The following COPS7B variants were observed in gnomAD, a reference collection of about 807,000 sequenced individuals.
COPS7B encodes the protein COP9 signalosome complex subunit 7b.
In COPS7B, 9 loss-of-function variants were observed where a neutral mutation model predicts 33.4. The ratio of observed to expected loss-of-function variants is 0.27; its 90% CI spans 0.16 to 0.47. The LOEUF is 0.47. Ranked by LOEUF, COPS7B falls within the 20% of genes least tolerant of loss-of-function variation. COPS7B has a pLI of 0.99. For synonymous variants in COPS7B, 119 were observed against 126.3 expected, an observed-to-expected ratio of 0.94 and a Z score of 0.39; for missense variants, 242 against 318.2, an observed-to-expected ratio of 0.76 and a Z score of 1.82.
chr2:231,794,992 T>G (rs1425120409), intron 4 of COPS7B, among the ~76,000 whole-genome samples: 1 of 151,694 alleles, frequency 6.6e-6, no homozygotes, highest in East Asian at 1.9e-4. Context: ...CAACCTGGGC[T>G]TACTGCAACC....
chr2:231,799,476 AT>A (rs1404491189), intron 6 of COPS7B, among the ~76,000 whole-genome samples: 1 of 152,220 alleles, frequency 6.6e-6, no homozygotes, highest in Non-Finnish European at 1.5e-5. Context: ...GACATGTTTC[AT>A]ACGGAAAGAA....
chr2:231,797,167 C>T lies in COPS7B; in HGVS notation c.530+859C>T, dbSNP rs181237950. Among the ~76,000 whole-genome samples, 17 of 152,270 alleles carry T rather than the reference C, an allele frequency of 1.1e-4. No homozygotes were observed. The East Asian group carries it at 2.7e-3, about 24-fold the overall frequency. On this transcript the variant is annotated intron_variant, in intron 5 of 6. Coordinates refer to ENST00000350033, the MANE Select transcript of COPS7B (RefSeq NM_022730.4). ...ACCCGGTGAGCTTTGTACACAGGTTCGGGAGGGAGAGAGAATCTCTGCTCA... is the reference window on the plus strand; with the variant it reads ...ACCCGGTGAGCTTTGTACACAGGTTTGGGAGGGAGAGAGAATCTCTGCTCA...
At chr2:231,786,017 CCA>C (rs1342686801), upstream of COPS7B, 1 of 152,076 alleles carries the variant, frequency 6.6e-6, no homozygotes, top group East Asian at 1.9e-4. Context: ...ATAATACAAG[CCA>C]CAGTTATGAG....
At chr2:231,804,453 T>TA (rs1296207790) in intron 6 of COPS7B, among the ~76,000 whole-genome samples, 3 of 152,118 alleles carry the variant, frequency 2.0e-5, no homozygotes, top group African/African-American at 7.2e-5. Context: ...TTCACCGCGT[T>TA]AGCCAGGATG....
chr2:231,806,967 G>A (rs766529685), intron 6 of COPS7B, among the ~76,000 whole-genome samples: 1 of 152,202 alleles, frequency 6.6e-6, no homozygotes, highest in Admixed American at 6.5e-5. Context: ...TTACGAGTCT[G>A]TATTTTGTTA....
rs2106355266 is a variant in COPS7B, at chr2:231,809,074, T to A, written c.*1429T>A. On this transcript the variant is annotated 3_prime_UTR_variant, in exon 7 of 7. Coordinates refer to ENST00000350033, the MANE Select transcript of COPS7B (RefSeq NM_022730.4). ...TAAAATGTCCAGCAACTGCCTACTGTTGATCAAATGTTGAAGTATTCTTGT... is the reference window on the plus strand; with the variant it reads ...TAAAATGTCCAGCAACTGCCTACTGATGATCAAATGTTGAAGTATTCTTGT... 1 of 152,516 alleles carries A rather than the reference T, an allele frequency of 6.6e-6. No individual in the cohort carries two copies. The highest frequency in any genetic ancestry group is 6.5e-5 in the Admixed American group (1 of 15,308). The allele number at this position is 152,516 out of a possible 1,614,324, so 9.4% of individuals were successfully genotyped here.
In COPS7B at chr2:231,795,696, G is replaced by A. The variant is rs150494887; in HGVS notation, c.328-410G>A. Among the ~76,000 whole-genome samples, 467 of 152,296 alleles carry A rather than the reference G, an allele frequency of 3.1e-3. 2 individuals carry two copies. The highest frequency in any genetic ancestry group is 0.01 in the African/African-American group (430 of 41,566). On this transcript the variant is annotated intron_variant, in intron 4 of 6. Transcript: ENST00000350033. ...TTTTTTTTGTTTGTTTTTGCACTCT[G>A]CTGGGCAAGTAGCCAGCTCTTTCCA... is the stretch of plus-strand genomic sequence containing the variant.
chr2:231,783,414 T>A (rs1410446342), upstream of COPS7B, among the ~76,000 whole-genome samples: 3 of 152,240 alleles, frequency 2.0e-5, no homozygotes, highest in Non-Finnish European at 4.4e-5. Context: ...TAGGTGCCTC[T>A]TATCCTTGTC....
intron 3 of COPS7B, 46 bp from the exon 4 acceptor site, chr2:231,794,217 A>G (rs1312537230): frequency 2.0e-6 from 3 of 1,519,386 alleles, no homozygotes; most frequent in Middle Eastern, 1.7e-4. Context: ...AAGAAATCCT[A>G]ATTTTATTTT....
At chr2:231,795,815 C>T (rs1298158353) in intron 4 of COPS7B, among the ~76,000 whole-genome samples, 1 of 152,182 alleles carries the variant, frequency 6.6e-6, no homozygotes, top group Non-Finnish European at 1.5e-5. Context: ...AGTTCCCTTT[C>T]TCTCCACTGG....
chr2:231,800,212 G>T (rs143808844), intron 6 of COPS7B, among the ~76,000 whole-genome samples: 2 of 152,176 alleles, frequency 1.3e-5, no homozygotes, highest in Non-Finnish European at 1.5e-5. Context: ...GAAGTATTGC[G>T]TGAGTCCAGG....
intron 6 of COPS7B, among the ~76,000 whole-genome samples, chr2:231,803,348 G>C (rs1473018674): frequency 6.6e-6 from 1 of 152,162 alleles, no homozygotes; most frequent in African/African-American, 2.4e-5. Flanking sequence ...AGTGTGGTGT[G>C]GGGGACGAGT....
intron 4 of COPS7B, among the ~76,000 whole-genome samples, 181 bp from the exon 5 acceptor site, chr2:231,795,925 T>G (rs1313170796): frequency 6.6e-6 from 1 of 152,198 alleles, no homozygotes; most frequent in African/African-American, 2.4e-5. Flanking sequence ...CTTTCTTAGA[T>G]GTTGGGTCTT....
chr2:231,801,037 C>G, intron 6 of COPS7B: 1 of 902,526 alleles, frequency 1.1e-6, no homozygotes, highest in Non-Finnish European at 1.8e-6. Context: ...GTGATTCTGT[C>G]GTATTCTGTT....
At position 231,806,553 on chromosome 2, in the gene COPS7B, C is replaced by CAA. The variant is rs199988222; in HGVS notation, c.637-917_637-916dup. 6.9e-4 allele frequency among the ~76,000 whole-genome samples: 62 copies of CAA among 89,706 alleles called. 1 individual carries two copies. The highest frequency in any genetic ancestry group is 2.2e-3 in the East Asian group (7 of 3,128). 58.9% of individuals were successfully genotyped at this position (89,706 alleles called of 152,430 possible). ...GTACAACAGAGTAAGACTCTGTCTC[C>CAA]AAAAAAAAAAAAAAAAAAGACTAAA... On this transcript the variant is annotated intron_variant, in intron 6 of 6. Coordinates refer to ENST00000350033, the MANE Select transcript of COPS7B (RefSeq NM_022730.4).
At chr2:231,788,317 G>A (rs1471996897) in intron 1 of COPS7B, among the ~76,000 whole-genome samples, 3 of 152,016 alleles carry the variant, frequency 2.0e-5, no homozygotes, top group Non-Finnish European at 2.9e-5. Context: ...TGTATTTTTA[G>A]TAGAGATGGG....
At chr2:231,788,876 G>A in intron 2 of COPS7B, 144 bp downstream of exon 2, 1 of 656,542 alleles carries the variant, frequency 1.5e-6, no homozygotes, top group Non-Finnish European at 2.5e-6. Context: ...CAGAGGGAGA[G>A]ATTGAGAGAA....
intron 6 of COPS7B, among the ~76,000 whole-genome samples, chr2:231,803,562 A>G (rs2106342901): frequency 6.6e-6 from 1 of 152,354 alleles, no homozygotes; most frequent in African/African-American, 2.4e-5. Flanking sequence ...GAGGAAGTAA[A>G]TAGGCATCTG....
chr2:231,806,654 G>A (rs1559379507), intron 6 of COPS7B, among the ~76,000 whole-genome samples: 1 of 151,724 alleles, frequency 6.6e-6, no homozygotes, highest in Non-Finnish European at 1.5e-5. Flanking sequence ...TCCTCTCAAC[G>A]AACTGAGGAG....
Sources: allele counts gnomAD v4.1 joint callset (sites outside exome capture counted in the v4.1 genomes callset), GRCh38; gene constraint gnomAD v4.1.1; transcripts MANE v1.5; gene names NCBI Gene and HGNC (gene_info 2026-07-23, HGNC 2026-07-21).